Variants in HNF4G observed in about 807,000 individuals in gnomAD.
HNF4G encodes hepatocyte nuclear factor 4 gamma, also known as hepatocyte nuclear factor 4-gamma.
A neutral mutation model predicts 50.9 loss-of-function variants in HNF4G; 21 were observed. That is an observed-to-expected ratio of 0.41 (90% confidence interval 0.29 to 0.59). The LOEUF (loss-of-function observed/expected upper bound fraction) is 0.59, where lower values mean the gene tolerates loss of function less well. HNF4G is among the 20% of genes least tolerant of loss of function. HNF4G has a pLI of 0.26. For synonymous variants in HNF4G, 198 were observed against 185.6 expected (o/e 1.07, Z -0.54); for missense variants, 527 against 559.4 (o/e 0.94, Z 0.58).
At chr8:75,450,534 A>G (rs1004519252) in intron 1 of HNF4G, among the ~76,000 whole-genome samples, 3 of 152,206 alleles carry the variant, frequency 2.0e-5, no homozygotes, top group Non-Finnish European at 4.4e-5. Context: ...TAATGGCTAT[A>G]CTAATTTACA....
chr8:75,415,445 GGAGTAAAATAGAAAAA>G (rs1741387824), intron 1 of HNF4G, among the ~76,000 whole-genome samples: 1 of 151,996 alleles, frequency 6.6e-6, no homozygotes, highest in Non-Finnish European at 1.5e-5. Flanking sequence ...GCCTCAATAT[GGAGTAAAATAGAAAAA>G]GGTGATAGAA....
intron 1 of HNF4G, among the ~76,000 whole-genome samples, chr8:75,422,456 T>C (rs1810795950): frequency 6.6e-6 from 1 of 152,230 alleles, no homozygotes; most frequent in Admixed American, 6.5e-5. Context: ...CAGTGAATAC[T>C]AGGTAAAATT....
intron 1 of HNF4G, among the ~76,000 whole-genome samples, chr8:75,542,762 C>T (rs1170255878): frequency 6.6e-6 from 1 of 151,952 alleles, no homozygotes. Flanking sequence ...ACTTAGGTGG[C>T]TTTGAGGTAA....
At chr8:75,496,749 A>AAAACAT (rs1427456361) in intron 2 of HNF4G, among the ~76,000 whole-genome samples, 1 of 152,036 alleles carries the variant, frequency 6.6e-6, no homozygotes, top group Admixed American at 6.6e-5. Flanking sequence ...AAAGACATAG[A>AAAACAT]AAACATAGAA....
intron 1 of HNF4G, among the ~76,000 whole-genome samples, chr8:75,472,488 C>T (rs1038710542): frequency 2.6e-5 from 4 of 152,158 alleles, no homozygotes; most frequent in Non-Finnish European, 4.4e-5. Context: ...AGATACTTGC[C>T]TAAGCTCGTG....
intron 1 of HNF4G, among the ~76,000 whole-genome samples, chr8:75,489,477 C>A (rs973313244): frequency 6.6e-6 from 1 of 152,136 alleles, no homozygotes; most frequent in Admixed American, 6.5e-5. Context: ...AAGAGCCAAC[C>A]TTTTTGACCT....
chr8:75,461,763 A>G (rs926772349), intron 1 of HNF4G, among the ~76,000 whole-genome samples: 2 of 151,944 alleles, frequency 1.3e-5, no homozygotes, highest in African/African-American at 4.8e-5. Context: ...CTTATCATAA[A>G]GTTTAATTTA....
intron 1 of HNF4G, among the ~76,000 whole-genome samples, chr8:75,462,929 T>C (rs1811887645): frequency 6.6e-6 from 1 of 152,168 alleles, no homozygotes; most frequent in Non-Finnish European, 1.5e-5. Context: ...TGTCTAATAA[T>C]AATTACATTT....
At chr8:75,559,454 A>G (rs1445800639) in intron 8 of HNF4G, among the ~76,000 whole-genome samples, 1 of 152,002 alleles carries the variant, frequency 6.6e-6, no homozygotes, top group East Asian at 1.9e-4. Context: ...TTGTATTTTT[A>G]GTAGAGACGG....
chr8:75,482,956 GTA>G (rs1191832736), intron 1 of HNF4G, among the ~76,000 whole-genome samples: 4 of 152,128 alleles, frequency 2.6e-5, no homozygotes, highest in Admixed American at 2.0e-4. Context: ...GGTTAAAATT[GTA>G]ATCTAATTCC....
intron 2 of HNF4G, among the ~76,000 whole-genome samples, chr8:75,515,092 A>G: frequency 6.6e-6 from 1 of 152,174 alleles, no homozygotes; most frequent in Non-Finnish European, 1.5e-5. Context: ...AACAATGTCT[A>G]TGTATTGCTT....
At chr8:75,506,510 G>T (rs1401808170) in intron 2 of HNF4G, among the ~76,000 whole-genome samples, 2 of 152,090 alleles carry the variant, frequency 1.3e-5, no homozygotes, top group African/African-American at 4.8e-5. Flanking sequence ...AACCTAATCA[G>T]AGAAAATAAT....
Position 75,467,762 on chromosome 8 carries a change from A to T in HNF4G, c.-143-22327A>T, listed in dbSNP as rs61559158. Reference sequence around the variant, plus strand: ...ACTTCCTTCTTCTAGACATCAAGAAAAGTAATTATTTTTTTTTAAAATGTC... The same window carrying T: ...ACTTCCTTCTTCTAGACATCAAGAATAGTAATTATTTTTTTTTAAAATGTC... On this transcript the variant is annotated intron_variant, in intron 1 of 10. Transcript: ENST00000354370. 5.0e-3 allele frequency among the ~76,000 whole-genome samples: 767 copies of T among 152,296 alleles called. 13 individuals are homozygous for T. Among genetic ancestry groups the T allele is most frequent in the African/African-American group, 0.018 (741 of 41,572 alleles).
intron 1 of HNF4G, among the ~76,000 whole-genome samples, chr8:75,418,916 G>A (rs1031296569): frequency 3.3e-5 from 5 of 151,790 alleles, no homozygotes; most frequent in Non-Finnish European, 7.4e-5. Flanking sequence ...TGGTAGAGGC[G>A]GGTTTTCTCC....
intron 2 of HNF4G, among the ~76,000 whole-genome samples, chr8:75,529,180 A>T (rs567360408): frequency 6.6e-6 from 1 of 151,980 alleles, no homozygotes; most frequent in East Asian, 1.9e-4. Context: ...AGTCCCAGCT[A>T]CTCTGGAGGC....
chr8:75,564,022 G>C lies in HNF4G; in HGVS notation c.1294G>C (p.Glu432Gln). 6.2e-7 allele frequency: 1 copy of C among 1,613,660 alleles called. No homozygotes were observed. The highest frequency in any genetic ancestry group is 8.5e-7 in the Non-Finnish European group (1 of 1,179,694). Residue 432 changes from glutamate to glutamine, a missense_variant, in exon 10 of 10, where the codon GAA becomes CAA. Physicochemically the swap from Glu to Gln is conservative, Grantham distance 29 (BLOSUM62 2). Transcript: ENST00000396423. Reference protein sequence around the residue: ...LPSPPQGSGQEQYKIAANQAS... With the variant: ...LPSPPQGSGQQQYKIAANQAS... ...TTCCCCACCACAAGGCTCTGGGCAA[G>C]AACAGTACAAAATAGCTGCAAACCA...
At chr8:75,431,488 T>C (rs1244955307) in intron 1 of HNF4G, among the ~76,000 whole-genome samples, 2 of 152,100 alleles carry the variant, frequency 1.3e-5, no homozygotes, top group Non-Finnish European at 2.9e-5. Context: ...TAGTATATGA[T>C]AGAAATGAAT....
chr8:75,465,271 T>G (rs1265501566), intron 1 of HNF4G, among the ~76,000 whole-genome samples: 3 of 152,184 alleles, frequency 2.0e-5, no homozygotes, highest in Non-Finnish European at 4.4e-5. Flanking sequence ...GCTCACAAAT[T>G]AGATGATTTC....
At chr8:75,415,350 G>C (rs1456404770) in intron 1 of HNF4G, among the ~76,000 whole-genome samples, 3 of 151,630 alleles carry the variant, frequency 2.0e-5, no homozygotes, top group Non-Finnish European at 4.4e-5. Flanking sequence ...GATAGGATTT[G>C]ATCAAGAGAA....
Sources: gnomAD v4.1 joint callset for allele counts (sites outside exome capture counted in the v4.1 genomes callset) on GRCh38, gnomAD v4.1.1 for gene constraint, MANE v1.5 for transcripts, NCBI Gene and HGNC (gene_info 2026-07-23, HGNC 2026-07-21) for gene names.